The following GLIS3 variants were observed in gnomAD, a reference collection of about 807,000 sequenced individuals.
The protein encoded by GLIS3 is GLIS family zinc finger 3.
Under a neutral mutation model 78.6 loss-of-function variants are expected in GLIS3, and 53 were observed. The ratio of observed to expected loss-of-function variants is 0.67; its 90% CI spans 0.54 to 0.85. The LOEUF is 0.85. Among genes scored for constraint, GLIS3 ranks in the 40% least tolerant of loss-of-function variants. The pLI is 0.00. For synonymous variants in GLIS3, 684 were observed against 509.9 expected (o/e 1.34, Z -4.60); for missense variants, 1,703 against 1,231.1 (o/e 1.38, Z -5.74).
At chr9:4,416,475 G>GT in the GLIS3 span, among the ~76,000 whole-genome samples, 2 of 151,882 alleles carry the variant, frequency 1.3e-5, no homozygotes, top group African/African-American at 4.8e-5. Flanking sequence ...GTTCTAAAAG[G>GT]TTTATAAAGA....
At chr9:3,931,043 A>G (rs888973856) in intron 6 of GLIS3, among the ~76,000 whole-genome samples, 8 of 152,208 alleles carry the variant, frequency 5.3e-5, no homozygotes, top group Non-Finnish European at 7.3e-5. Context: ...ACACAAAAGC[A>G]TATCTAGTGT....
At chr9:4,179,471 T>A (rs540544795) in intron 2 of GLIS3, among the ~76,000 whole-genome samples, 1 of 152,302 alleles carries the variant, frequency 6.6e-6, no homozygotes, top group Admixed American at 6.5e-5. Flanking sequence ...GTATTATTAA[T>A]AACATCCCTT....
In GLIS3 at chr9:4,097,176, G is replaced by A. The variant is rs867818445; in HGVS notation, c.1710+20592C>T. ...GAGCTGCACATCTCCAACTTGTTGG[G>A]GCAGAACATCCTTTCTTCCATCTGC... On this transcript the variant is annotated intron_variant, in intron 4 of 10. Coordinates refer to ENST00000381971, the MANE Select transcript of GLIS3 (RefSeq NM_001042413.2). Among the ~76,000 whole-genome samples, 4 of 152,092 alleles carry A rather than the reference G, an allele frequency of 2.6e-5. No individual in the cohort carries two copies. In the East Asian group the frequency reaches 7.7e-4, roughly 29 times the overall value.
At chr9:4,208,582 G>A (rs1040360738) in intron 2 of GLIS3, among the ~76,000 whole-genome samples, 1 of 152,178 alleles carries the variant, frequency 6.6e-6, no homozygotes, top group African/African-American at 2.4e-5. Context: ...TTTGGGAGAG[G>A]GGATTTTACA....
chr9:4,176,175 C>T (rs891842069), intron 2 of GLIS3, among the ~76,000 whole-genome samples: 1 of 152,074 alleles, frequency 6.6e-6, no homozygotes, highest in South Asian at 2.1e-4. Context: ...GTGGCACTTT[C>T]GGCGGACTTG....
At chr9:4,456,708 T>C in the GLIS3 span, among the ~76,000 whole-genome samples, 146 of 152,364 alleles carry the variant, frequency 9.6e-4, 3 homozygotes, top group Admixed American at 1.2e-3. Flanking sequence ...TTAGAGGCCA[T>C]TGTAGGGTTA....
In GLIS3 at chr9:3,886,279, A is replaced by AT. The variant is rs555967004; in HGVS notation, c.2129-6685dup. 4.8e-4 allele frequency among the ~76,000 whole-genome samples: 73 copies of AT among 151,980 alleles called. 1 individual carries two copies. The highest frequency in any genetic ancestry group is 1.5e-3 in the Admixed American group (23 of 15,254). ...TCTCAAATAAGCTTTTTGTTGTTCT[A>AT]TTTTTTTTATATGAGTTGCTATGAA... On this transcript the variant is annotated intron_variant, in intron 7 of 10. Coordinates refer to ENST00000381971, the MANE Select transcript of GLIS3 (RefSeq NM_001042413.2).
At chr9:3,892,796 T>G (rs1204695828) in intron 7 of GLIS3, among the ~76,000 whole-genome samples, 5 of 152,142 alleles carry the variant, frequency 3.3e-5, no homozygotes, top group Non-Finnish European at 7.4e-5. Context: ...GTCTATAACC[T>G]CTTAACCATA....
At chr9:3,963,101 TA>T (rs893940354) in intron 4 of GLIS3, among the ~76,000 whole-genome samples, 22 of 152,034 alleles carry the variant, frequency 1.4e-4, no homozygotes, top group African/African-American at 4.6e-4. Context: ...ATGGTATAAA[TA>T]AGGGAGAGGT....
intron 4 of GLIS3, among the ~76,000 whole-genome samples, chr9:3,978,038 A>C (rs1818931270): frequency 6.6e-6 from 1 of 152,218 alleles, no homozygotes; most frequent in Non-Finnish European, 1.5e-5. Flanking sequence ...CTGACAAGCA[A>C]ATGGATCTTT....
chr9:4,029,525 T>A (rs368542220), intron 4 of GLIS3, among the ~76,000 whole-genome samples: 30 of 152,314 alleles, frequency 2.0e-4, no homozygotes, highest in African/African-American at 7.2e-4. Flanking sequence ...CGTGGTGCCA[T>A]TGAATAGTAG....
intron 2 of GLIS3, among the ~76,000 whole-genome samples, chr9:4,278,657 C>G (rs1242898773): frequency 6.6e-6 from 1 of 152,220 alleles, no homozygotes; most frequent in Non-Finnish European, 1.5e-5. Flanking sequence ...CAGAAAATCA[C>G]CACTATGCAA....
chr9:3,830,502 A>G (rs1817981798), intron 9 of GLIS3, among the ~76,000 whole-genome samples: 1 of 152,188 alleles, frequency 6.6e-6, no homozygotes, highest in African/African-American at 2.4e-5. Flanking sequence ...TCACTGGGCT[A>G]TTGTGAAGAT....
At position 4,118,439 on chromosome 9, in the gene GLIS3, C is replaced by G. The variant is rs1447279046; in HGVS notation, c.1039G>C (p.Val347Leu). 3.1e-6 allele frequency: 5 copies of G among 1,612,430 alleles called. No individual in the cohort carries two copies. Among genetic ancestry groups the G allele is most frequent in the Non-Finnish European group, 4.2e-6 (5 of 1,180,008 alleles). ...CGCACGCCCAGGAAATGCCCGTAGA[C>G]CTCCGGCTGCGGGGACAGGTTGGCC... Reference protein sequence around the residue: ...SPANLSPQPEVYGHFLGVRGS... With the variant: ...SPANLSPQPELYGHFLGVRGS... The change falls in exon 4 of 11, where the codon GTC (valine) becomes CTC (leucine). Residue 347 changes from valine (V) to leucine (L), a missense_variant. Physicochemically the swap from Val to Leu is conservative, Grantham distance 32. Coordinates refer to ENST00000381971, the MANE Select transcript of GLIS3 (RefSeq NM_001042413.2). This position sits in a 1 kb window ranked among gnomAD's most constrained non-coding sequence, Gnocchi z 4.7.
At chr9:4,262,666 A>AGT (rs1825636876) in intron 2 of GLIS3, among the ~76,000 whole-genome samples, 2 of 151,954 alleles carry the variant, frequency 1.3e-5, no homozygotes, top group Non-Finnish European at 2.9e-5. Flanking sequence ...TATATAGCCA[A>AGT]AATTTTCAAT....
At chr9:3,828,492 C>T (rs1817853230) in intron 10 of GLIS3, 84 bp from the exon 11 acceptor site, 4 of 1,564,588 alleles carry the variant, frequency 2.6e-6, no homozygotes, top group Non-Finnish European at 3.5e-6. Flanking sequence ...ATGCAGCTCA[C>T]CAAGTGAGGA....
At chr9:4,083,053 A>G (rs1348539848) in intron 4 of GLIS3, among the ~76,000 whole-genome samples, 1 of 152,218 alleles carries the variant, frequency 6.6e-6, no homozygotes, top group African/African-American at 2.4e-5. Context: ...TGAGTTATCC[A>G]CAAACCCTTT....
intron 9 of GLIS3, among the ~76,000 whole-genome samples, chr9:3,853,045 C>CA (rs1230239195): frequency 6.6e-6 from 1 of 152,082 alleles, no homozygotes; most frequent in African/African-American, 2.4e-5. Context: ...TCCATTTCTA[C>CA]AAAAACAATA....
rs1290099016 is a variant in GLIS3, at chr9:4,069,387, T to C, written c.1710+48381A>G. Among the ~76,000 whole-genome samples the C allele has an allele frequency of 2.0e-5, 3 of 152,194 alleles. No individual in the cohort carries two copies. In the East Asian group the frequency reaches 5.8e-4, roughly 29 times the overall value. ...TCAGGCTCAGAAATCTTCCAGTTGC[T>C]ATCTCCAGGAGAGAGCAAGATTGGA... On this transcript the variant is annotated intron_variant, in intron 4 of 10. Transcript: ENST00000381971.
Sources: gnomAD v4.1 joint callset for allele counts (sites outside exome capture counted in the v4.1 genomes callset) on GRCh38, gnomAD v4.1.1 for gene constraint, Gnocchi (gnomAD v3.1) non-coding constraint, MANE v1.5 for transcripts, NCBI Gene and HGNC (gene_info 2026-07-23, HGNC 2026-07-21) for gene names.